Variants in PHETA1 observed in about 807,000 individuals in gnomAD.
PHETA1 encodes sesquipedalian-1.
For missense variants in PHETA1, 348 were observed against 373.5 expected (o/e 0.93, Z 0.56); for synonymous variants, 155 against 168.9 (o/e 0.92, Z 0.64).
chr12:111,363,972 A>G lies in PHETA1; in HGVS notation c.-36-509T>C, dbSNP rs888277920. ...CCTTCTGCAGTCCCTGCCAGGTCCC[A>G]GCCCTGACTTTGTGGTTCGACTTTG... On this transcript the variant is annotated intron_variant, in intron 2 of 2. Coordinates refer to ENST00000683047, the MANE Select transcript of PHETA1 (RefSeq NM_144671.6). The surrounding 1 kb of genome is among the most constrained non-coding windows in gnomAD (Gnocchi z 7.4). 1.3e-5 allele frequency among the ~76,000 whole-genome samples: 2 copies of G among 152,350 alleles called. No homozygotes were observed. Among genetic ancestry groups the G allele is most frequent in the Admixed American group, 6.5e-5 (1 of 15,302 alleles).
Position 111,363,583 on chromosome 12 carries a change from T to C in PHETA1, c.-36-120A>G, listed in dbSNP as rs1868842470. On this transcript the variant is annotated intron_variant, in intron 2 of 2. Transcript: ENST00000683047. This position sits in a 1 kb window ranked among gnomAD's most constrained non-coding sequence, Gnocchi z 7.4. ...TCACAGATGAGGAAACTGACGCTCA[T>C]AGGGTGGAAGCAGCTGGCCTATGCG... The C allele has an allele frequency of 2.0e-6, 3 of 1,530,814 alleles. No individual in the cohort carries two copies. 94.8% of individuals were successfully genotyped at this position (1,530,814 alleles called of 1,614,324 possible).
rs1001034939 is a variant in PHETA1, at chr12:111,367,967, G to A, written c.-182+945C>T. The stretch of plus-strand genomic sequence containing the variant: ...CAGGCTGGAGGACCTTGGACAAGTC[G>A]TTTCACCTTTCCAAGTCTCAGTGTC... On this transcript the variant is annotated intron_variant, in intron 1 of 2. Coordinates refer to ENST00000683047, the MANE Select transcript of PHETA1 (RefSeq NM_144671.6). This position sits in a 1 kb window ranked among gnomAD's most constrained non-coding sequence, Gnocchi z 4.0. Among the ~76,000 whole-genome samples, 8 of 152,350 alleles carry A rather than the reference G, an allele frequency of 5.3e-5. No individual in the cohort carries two copies. Among genetic ancestry groups the A allele is most frequent in the East Asian group, 3.9e-4 (2 of 5,192 alleles).
rs1288199089 is a variant in PHETA1 at position 111,362,689 on chromosome 12, C to A, written c.739G>T (p.Val247Phe). 3 of 1,549,148 alleles carry A rather than the reference C, an allele frequency of 1.9e-6. No homozygotes were observed. The highest frequency in any genetic ancestry group is 2.6e-6 in the Non-Finnish European group (3 of 1,146,844). The change falls in exon 3 of 3, where the codon GTC (valine) becomes TTC (phenylalanine). Residue 247 changes from valine to phenylalanine, a missense_variant. Transcript: ENST00000683047. ...GCGCCCTGGTGGCCTCAGGGCTGGA[C>A]CCGGCTGCTGAGCCACTGGCCACGC... ...ALRGQWLSSR[V>F]QP
chr12:111,368,290 G>C lies in PHETA1; in HGVS notation c.-182+622C>G, dbSNP rs1049425592. 2.0e-5 allele frequency among the ~76,000 whole-genome samples: 3 copies of C among 152,150 alleles called. No individual in the cohort carries two copies. The highest frequency in any genetic ancestry group is 7.2e-5 in the African/African-American group (3 of 41,430). ...GGGCACAGCTGGCCCCGGAACCCAGGTCTCCTGGGAGACTGAAGCATGGCA... is the reference window on the plus strand; with the variant it reads ...GGGCACAGCTGGCCCCGGAACCCAGCTCTCCTGGGAGACTGAAGCATGGCA... On this transcript the variant is annotated intron_variant, in intron 1 of 2. Transcript: ENST00000683047. The surrounding 1 kb of genome is among the most constrained non-coding windows in gnomAD (Gnocchi z 5.0).
Position 111,360,968 on chromosome 12 carries a change from C to A in PHETA1, c.*1710G>T, listed in dbSNP as rs1307345200. 6.6e-6 allele frequency: 1 copy of A among 152,530 alleles called. No individual in the cohort carries two copies. The highest frequency in any genetic ancestry group is 2.4e-5 in the African/African-American group (1 of 41,454). The allele number at this position is 152,530 out of a possible 1,614,324, so 9.4% of individuals were successfully genotyped here. Reference sequence around the variant, plus strand: ...AGATCCTGTGCCACCCACACCCACACCACTCAGGACTCTGGAAGGAGGTGA... The same window carrying A: ...AGATCCTGTGCCACCCACACCCACAACACTCAGGACTCTGGAAGGAGGTGA... On this transcript the variant is annotated 3_prime_UTR_variant, in exon 3 of 3. Coordinates refer to ENST00000683047, the MANE Select transcript of PHETA1 (RefSeq NM_144671.6).
chr12:111,365,622 A>G, intron 2 of PHETA1: 1 of 440,684 alleles, frequency 2.3e-6, no homozygotes, highest in Non-Finnish European at 4.5e-6. Flanking sequence ...GGGGAAATAG[A>G]TGGAGCTGGA....
At chr12:111,365,096 C>T (rs934737515) in intron 2 of PHETA1, among the ~76,000 whole-genome samples, 4 of 152,148 alleles carry the variant, frequency 2.6e-5, no homozygotes, top group African/African-American at 7.2e-5. Flanking sequence ...GATGGGGCAA[C>T]GCTGGCCAGG....
Position 111,362,439 on chromosome 12 carries a change from A to T in PHETA1, c.*239T>A. The T allele has an allele frequency of 1.9e-6, 2 of 1,068,578 alleles. No individual in the cohort carries two copies. Among genetic ancestry groups the T allele is most frequent in the African/African-American group, 1.6e-5 (1 of 62,468 alleles). The allele number at this position is 1,068,578 out of a possible 1,614,324, so 66.2% of individuals were successfully genotyped here. On this transcript the variant is annotated 3_prime_UTR_variant, in exon 3 of 3. Coordinates refer to ENST00000683047, the MANE Select transcript of PHETA1 (RefSeq NM_144671.6). ...CCCCCTCAGGCCCTGGATTCTCCTT[A>T]GTGTTGCACGTGACGTTCCCCTCAA...
chr12:111,363,493 A>G lies in PHETA1; in HGVS notation c.-36-30T>C. ...ACCCCATAGAAGGGCTGTTATGCAC[A>G]AGGCCACTGACGCTAGGTCACCCAG... On this transcript the variant is annotated intron_variant, in intron 2 of 2. Transcript: ENST00000683047. This position sits in a 1 kb window ranked among gnomAD's most constrained non-coding sequence, Gnocchi z 7.4. The G allele has an allele frequency of 1.3e-6, 2 of 1,570,480 alleles. No homozygotes were observed. The highest frequency in any genetic ancestry group is 1.7e-6 in the Non-Finnish European group (2 of 1,160,372).
Position 111,362,744 on chromosome 12 carries a change from G to A in PHETA1, c.684C>T (p.His228=), listed in dbSNP as rs1405868785. Residue 228 remains histidine (H), a synonymous_variant, in exon 3 of 3, where the codon CAC becomes CAT. Coordinates refer to ENST00000683047, the MANE Select transcript of PHETA1 (RefSeq NM_144671.6). ...CCCGGATCTCCTGGCCATAGCACTC[G>A]TGCAGCCGGGCGAAGGGGGCCATGT... is the stretch of plus-strand genomic sequence containing the variant. The part of the protein sequence containing the change: ...PLDMAPFARL[H]ECYGQEIRAL... 1.6e-5 allele frequency: 25 copies of A among 1,542,948 alleles called. No homozygotes were observed. Among genetic ancestry groups the A allele is most frequent in the Admixed American group, 3.9e-5 (2 of 50,886 alleles).
Position 111,368,539 on chromosome 12 carries a change from T to C in PHETA1, c.-182+373A>G, listed in dbSNP as rs1005797529. ...GCCGTCCAGACACAGGCAGCCCCCTTGTCCACGGCAGGGGCTGCTGCTCCA... is the reference window on the plus strand; with the variant it reads ...GCCGTCCAGACACAGGCAGCCCCCTCGTCCACGGCAGGGGCTGCTGCTCCA... On this transcript the variant is annotated intron_variant, in intron 1 of 2. Transcript: ENST00000683047. This position sits in a 1 kb window ranked among gnomAD's most constrained non-coding sequence, Gnocchi z 5.0. 6.6e-6 allele frequency among the ~76,000 whole-genome samples: 1 copy of C among 152,162 alleles called. No homozygotes were observed. The highest frequency in any genetic ancestry group is 2.4e-5 in the African/African-American group (1 of 41,452).
rs1869169297 is a variant in PHETA1 at position 111,368,602 on chromosome 12, T to C, written c.-182+310A>G. Reference sequence around the variant, plus strand: ...CTCCCGGCTGCTCTCTGTCCCTTTGTGTGTTGTGCGTGGGAGCTCTCTTAA... The same window carrying C: ...CTCCCGGCTGCTCTCTGTCCCTTTGCGTGTTGTGCGTGGGAGCTCTCTTAA... On this transcript the variant is annotated intron_variant, in intron 1 of 2. Transcript: ENST00000683047. This position sits in a 1 kb window ranked among gnomAD's most constrained non-coding sequence, Gnocchi z 5.0. 6.6e-6 allele frequency among the ~76,000 whole-genome samples: 1 copy of C among 152,092 alleles called. No individual in the cohort carries two copies. The highest frequency in any genetic ancestry group is 6.5e-5 in the Admixed American group (1 of 15,272).
In PHETA1 at chr12:111,368,995, T is replaced by TGGCGGC. The variant is rs955765083; in HGVS notation, c.-271_-266dup. Reference sequence around the variant, plus strand: ...CGGCCATGGTTCGGGACTGGCCCGGTGGCGGCGACGGCGGCGGCAGCGCTT... The same window carrying TGGCGGC: ...CGGCCATGGTTCGGGACTGGCCCGGTGGCGGCGGCGGCGACGGCGGCGGCAGCGCTT... On this transcript the variant is annotated 5_prime_UTR_variant, in exon 1 of 3. Coordinates refer to ENST00000683047, the MANE Select transcript of PHETA1 (RefSeq NM_144671.6). This position sits in a 1 kb window ranked among gnomAD's most constrained non-coding sequence, Gnocchi z 5.0. The TGGCGGC allele has an allele frequency of 3.3e-5, 5 of 152,752 alleles. No homozygotes were observed. Among genetic ancestry groups the TGGCGGC allele is most frequent in the Admixed American group, 6.6e-5 (1 of 15,262 alleles). The allele number at this position is 152,752 out of a possible 1,614,324, so 9.5% of individuals were successfully genotyped here. A position where few individuals can be genotyped will look rare whatever the true frequency, so the allele number is the denominator to read the frequency against.
At chr12:111,365,597 G>A (rs929000782) in intron 2 of PHETA1, 3 of 453,250 alleles carry the variant, frequency 6.6e-6, no homozygotes, top group African/African-American at 2.0e-5. Context: ...AAAGGAATGA[G>A]ATCATGTCCT....
At position 111,363,343 on chromosome 12, in the gene PHETA1, C is replaced by G; in HGVS notation, c.85G>C (p.Gly29Arg). ...CGCCGGTGGTAGGCCGCGTGCCGCC[C>G]ACCCTTCTTGTACAGGAAGCCTGCA... is the stretch of plus-strand genomic sequence containing the variant. ...DNAGFLYKKG[G>R]RHAAYHRRWF... The change falls in exon 3 of 3, where the codon GGG (glycine) becomes CGG (arginine). Residue 29 changes from glycine to arginine, a missense_variant. By Grantham distance (125) the Gly-to-Arg change is moderately radical (BLOSUM62 -2). Transcript: ENST00000683047. The surrounding 1 kb of genome is among the most constrained non-coding windows in gnomAD (Gnocchi z 7.4). The G allele has an allele frequency of 6.2e-7, 1 of 1,613,134 alleles. No individual in the cohort carries two copies. The highest frequency in any genetic ancestry group is 8.5e-7 in the Non-Finnish European group (1 of 1,179,974).
chr12:111,366,309 T>A (rs1238470939), intron 1 of PHETA1, 52 bp from the exon 2 acceptor site: 2 of 154,594 alleles, frequency 1.3e-5, no homozygotes, highest in Non-Finnish European at 2.9e-5. Context: ...GTGACAATGA[T>A]ACAGTGACTA....
intron 1 of PHETA1, 26 bp from the exon 2 acceptor site, chr12:111,366,283 C>G (rs991933995): frequency 1.9e-5 from 3 of 154,838 alleles, no homozygotes; most frequent in African/African-American, 7.2e-5. Flanking sequence ...GTAACAGTGC[C>G]TAAGTCAGGG....
At position 111,367,592 on chromosome 12, in the gene PHETA1, C is replaced by T. The variant is rs1032813279; in HGVS notation, c.-182+1320G>A. Among the ~76,000 whole-genome samples the T allele has an allele frequency of 6.6e-5, 10 of 152,246 alleles. No individual in the cohort carries two copies. The highest frequency in any genetic ancestry group is 1.0e-4 in the Non-Finnish European group (7 of 68,048). The stretch of plus-strand genomic sequence containing the variant: ...GGCTGATCTTGGGGTCTCTCCACCC[C>T]ATCAAGGCCAAAGGAATAGCAACTT... On this transcript the variant is annotated intron_variant, in intron 1 of 2. Transcript: ENST00000683047. The surrounding 1 kb of genome is among the most constrained non-coding windows in gnomAD (Gnocchi z 4.0).
Position 111,369,032 on chromosome 12 carries a change from C to G in PHETA1, c.-302G>C, listed in dbSNP as rs954067078. The G allele has an allele frequency of 5.9e-5, 9 of 153,110 alleles. No individual in the cohort carries two copies. Among genetic ancestry groups the G allele is most frequent in the Non-Finnish European group, 1.3e-4 (9 of 68,624 alleles). The allele number at this position is 153,110 out of a possible 1,614,324, so 9.5% of individuals were successfully genotyped here. ...CGGCGGCAGCGCTTTGTCTCCTGGGCGGCCGGGCCGGCGCAGCCGCGGGAG... is the reference window on the plus strand; with the variant it reads ...CGGCGGCAGCGCTTTGTCTCCTGGGGGGCCGGGCCGGCGCAGCCGCGGGAG... On this transcript the variant is annotated 5_prime_UTR_variant, in exon 1 of 3. Transcript: ENST00000683047.
Sources: gnomAD v4.1 joint callset for allele counts (sites outside exome capture counted in the v4.1 genomes callset) on GRCh38, gnomAD v4.1.1 for gene constraint, Gnocchi (gnomAD v3.1) non-coding constraint, MANE v1.5 for transcripts, NCBI Gene and HGNC (gene_info 2026-07-23, HGNC 2026-07-21) for gene names.